Variants in MYO1H observed in about 807,000 individuals in gnomAD.
MYO1H encodes myosin IH, also known as unconventional myosin-Ih.
Under a neutral mutation model 149.3 loss-of-function variants are expected in MYO1H, and 118 were observed. The ratio of observed to expected loss-of-function variants is 0.79; its 90% CI spans 0.68 to 0.92. The LOEUF is 0.92. Among genes scored for constraint, MYO1H ranks in the 40% least tolerant of loss-of-function variants. MYO1H has a pLI of 0.00. For missense variants in MYO1H, 1,212 were observed against 1,280.7 expected (o/e 0.95, Z 0.82); for synonymous variants, 447 against 465.2 (o/e 0.96, Z 0.50).
intron 1 of MYO1H, among the ~76,000 whole-genome samples, chr12:109,384,657 T>A (rs754311434): frequency 6.6e-6 from 1 of 152,212 alleles, no homozygotes; most frequent in African/African-American, 2.4e-5. Context: ...CTGAAGTGAA[T>A]GGAGTCTGCT....
At position 109,427,557 on chromosome 12, in the gene MYO1H, C is replaced by G. The variant is rs766522173; in HGVS notation, c.1920C>G (p.Tyr640Ter). The G allele has an allele frequency of 6.2e-7, 1 of 1,612,356 alleles. No individual in the cohort carries two copies. Among genetic ancestry groups the G allele is most frequent in the East Asian group, 2.2e-5 (1 of 44,798 alleles). The change falls in exon 19 of 32, where the codon TAC (tyrosine) becomes TAG (stop). Residue 640 changes from tyrosine to a stop codon, truncating the protein, a stop_gained. Coordinates refer to ENST00000310903, the Ensembl canonical transcript of MYO1H. LOFTEE classifies it high-confidence loss of function. ...GGGTGAGACGGGCTGGTTTTGCATA[C>G]CGAAGGAAATACGAGCATTTCTTGC...
chr12:109,371,653 C>T (rs1004015800), intron 1 of MYO1H, among the ~76,000 whole-genome samples: 2 of 152,132 alleles, frequency 1.3e-5, no homozygotes, highest in African/African-American at 4.8e-5. Context: ...ATTTTGTTCA[C>T]ATGAGAGCAT....
At chr12:109,354,544 C>G in intron 1 of MYO1H, 1 of 150,986 alleles carries the variant, frequency 6.6e-6, no homozygotes, top group Admixed American at 6.7e-5. Flanking sequence ...CGCTTTAACC[C>G]AGGAGGTGGA....
intron 1 of MYO1H, among the ~76,000 whole-genome samples, chr12:109,364,121 A>C (rs894198335): frequency 2.7e-5 from 4 of 150,640 alleles, no homozygotes; most frequent in Non-Finnish European, 5.9e-5. Flanking sequence ...CAGTGAGCCA[A>C]GATCATGCCA....
chr12:109,411,072 G>A (rs1319044039), intron 13 of MYO1H, among the ~76,000 whole-genome samples: 2 of 152,162 alleles, frequency 1.3e-5, no homozygotes, highest in Non-Finnish European at 2.9e-5. Flanking sequence ...AACCCCGGAG[G>A]CAGAGGTTGC....
chr12:109,390,832 A>AT (rs1226026265), intron 2 of MYO1H, among the ~76,000 whole-genome samples: 1 of 151,604 alleles, frequency 6.6e-6, no homozygotes, highest in Non-Finnish European at 1.5e-5. Flanking sequence ...CGCCTGGCTA[A>AT]TTTTTTTGTA....
At chr12:109,431,700 C>T (rs924753849) in intron 19 of MYO1H, among the ~76,000 whole-genome samples, 4 of 152,214 alleles carry the variant, frequency 2.6e-5, no homozygotes, top group East Asian at 1.9e-4. Flanking sequence ...ATACTACAGA[C>T]ATCACGGTTC....
Position 109,397,708 on chromosome 12 carries a change from G to A in MYO1H, c.490-24G>A, listed in dbSNP as rs1481386272. ...ATACGCATGGTGAGCTTAAATGACA[G>A]TGAATGACACTTTGTATTCCAAGGC... On this transcript the variant is annotated intron_variant, in intron 4 of 31. Coordinates refer to ENST00000310903, the Ensembl canonical transcript of MYO1H. The A allele has an allele frequency of 5.0e-6, 8 of 1,595,764 alleles. No individual in the cohort carries two copies. In the East Asian group the frequency reaches 6.8e-5, roughly 13 times the overall value.
chr12:109,371,751 TAA>T (rs1328962659), intron 1 of MYO1H, among the ~76,000 whole-genome samples: 1 of 152,232 alleles, frequency 6.6e-6, no homozygotes, highest in African/African-American at 2.4e-5. Context: ...TTACATTTCA[TAA>T]AGATTCTATA....
chr12:109,424,938 C>G (rs1326442038), intron 17 of MYO1H, 110 bp downstream of exon 17: 2 of 767,666 alleles, frequency 2.6e-6, no homozygotes, highest in South Asian at 3.1e-5. Context: ...GTATTACTCT[C>G]TAACAGATTC....
intron 23 of MYO1H, 32 bp from the exon 24 acceptor site, chr12:109,439,599 C>T: frequency 6.3e-7 from 1 of 1,584,966 alleles, no homozygotes; most frequent in Non-Finnish European, 8.6e-7. Flanking sequence ...AAGAAATGGT[C>T]CAGAAAAGTA....
At chr12:109,409,246 C>CTTTTTTTTTTTTT (rs66507410) in intron 10 of MYO1H, among the ~76,000 whole-genome samples, 23 of 47,860 alleles carry the variant, frequency 4.8e-4, no homozygotes, top group African/African-American at 6.7e-4. Context: ...TCTTCTTCTT[C>CTTTTTTTTTTTTT]TTTTTTTTTT....
At chr12:109,367,015 A>C (rs892199583) in intron 1 of MYO1H, among the ~76,000 whole-genome samples, 2 of 152,216 alleles carry the variant, frequency 1.3e-5, no homozygotes, top group Non-Finnish European at 2.9e-5. Flanking sequence ...GAAAGTTCAA[A>C]ATCTCATGTA....
At chr12:109,336,790 G>A in the MYO1H span, among the ~76,000 whole-genome samples, 1 of 151,758 alleles carries the variant, frequency 6.6e-6, no homozygotes, top group Non-Finnish European at 1.5e-5. Context: ...CAATTACTAT[G>A]GTCAGAGATG....
chr12:109,340,455 C>T, the MYO1H span, among the ~76,000 whole-genome samples: 3 of 152,188 alleles, frequency 2.0e-5, no homozygotes, highest in Admixed American at 2.0e-4. Context: ...AGGCATGAGC[C>T]AGGTGCCTAG....
upstream of MYO1H, among the ~76,000 whole-genome samples, chr12:109,347,584 C>CTT (rs60250689): frequency 6.7e-6 from 1 of 149,302 alleles, no homozygotes; most frequent in Non-Finnish European, 1.5e-5. Flanking sequence ...ATTTTCTTTT[C>CTT]TTTTTTTTTT....
chr12:109,416,104 A>G (rs957955338), intron 15 of MYO1H, among the ~76,000 whole-genome samples: 16 of 151,674 alleles, frequency 1.1e-4, no homozygotes, highest in Non-Finnish European at 1.9e-4. Context: ...CACCACGACC[A>G]GCTAATTTTT....
the MYO1H span, among the ~76,000 whole-genome samples, chr12:109,321,210 T>C: frequency 6.6e-6 from 1 of 152,108 alleles, no homozygotes; most frequent in African/African-American, 2.4e-5. Context: ...CAAAGATCTT[T>C]GCAATGTCTA....
intron 23 of MYO1H, 186 bp from the exon 24 acceptor site, chr12:109,439,445 A>G (rs1872013226): frequency 2.0e-6 from 1 of 504,674 alleles, no homozygotes. Flanking sequence ...AAGCTCCTCA[A>G]AACAAAACAA....
Sources: gnomAD v4.1 joint callset for allele counts (sites outside exome capture counted in the v4.1 genomes callset) on GRCh38, gnomAD v4.1.1 for gene constraint, MANE v1.5 for transcripts, NCBI Gene and HGNC (gene_info 2026-07-23, HGNC 2026-07-21) for gene names.